MAST4: variants seen among roughly 807,000 people sequenced by gnomAD.
MAST4 encodes the protein microtubule-associated serine/threonine-protein kinase 4.
Under a neutral mutation model 162.7 loss-of-function variants are expected in MAST4, and 89 were observed. The observed-to-expected ratio is 0.55, with a 90% CI of 0.46 to 0.65. The LOEUF (loss-of-function observed/expected upper bound fraction) is 0.65. Ranked by LOEUF, MAST4 falls within the 30% of genes least tolerant of loss-of-function variation. The pLI is 0.00. For synonymous variants in MAST4, 1,479 were observed against 1,361.1 expected, an observed-to-expected ratio of 1.09 and a Z score of -1.91; for missense variants, 3,153 against 3,374.0, an observed-to-expected ratio of 0.93 and a Z score of 1.62.
At chr5:66,727,442 G>C (rs1485653455) in intron 1 of MAST4, among the ~76,000 whole-genome samples, 1 of 152,156 alleles carries the variant, frequency 6.6e-6, no homozygotes, top group African/African-American at 2.4e-5. Flanking sequence ...GCAATGGACA[G>C]GATGTTTCTT....
chr5:66,881,383 A>G (rs540455237), intron 3 of MAST4, among the ~76,000 whole-genome samples: 1 of 152,324 alleles, frequency 6.6e-6, no homozygotes, highest in East Asian at 1.9e-4. Context: ...TTCTATGTTA[A>G]GTCCACTTGA....
At chr5:67,087,487 T>G (rs919859691) in intron 5 of MAST4, among the ~76,000 whole-genome samples, 18 of 152,214 alleles carry the variant, frequency 1.2e-4, no homozygotes, top group Admixed American at 8.5e-4. Flanking sequence ...TTTCCCAGTC[T>G]GAATTCCCTT....
At chr5:66,808,085 A>T (rs1756290776) in intron 3 of MAST4, among the ~76,000 whole-genome samples, 1 of 152,230 alleles carries the variant, frequency 6.6e-6, no homozygotes, top group Admixed American at 6.5e-5. Flanking sequence ...GGAATGTCCA[A>T]TGCACTCTTT....
At chr5:66,949,695 G>T (rs902162543) in intron 4 of MAST4, among the ~76,000 whole-genome samples, 4 of 152,064 alleles carry the variant, frequency 2.6e-5, no homozygotes, top group Admixed American at 1.3e-4. Context: ...TGTGTTTTCT[G>T]TTATACTTAG....
At chr5:66,671,906 G>A (rs1580158053) in intron 1 of MAST4, among the ~76,000 whole-genome samples, 2 of 151,532 alleles carry the variant, frequency 1.3e-5, no homozygotes, top group African/African-American at 2.4e-5. Context: ...CATTAAAAAT[G>A]TGAAAAAAAT....
At chr5:67,121,842 TTTTG>T (rs1017977747) in intron 14 of MAST4, among the ~76,000 whole-genome samples, 14 of 152,072 alleles carry the variant, frequency 9.2e-5, no homozygotes, top group African/African-American at 3.4e-4. Flanking sequence ...TACACCAGGA[TTTTG>T]TTTTTGTTTT....
intron 4 of MAST4, among the ~76,000 whole-genome samples, chr5:66,997,515 T>A (rs1180334478): frequency 6.7e-6 from 1 of 149,088 alleles, no homozygotes; most frequent in Admixed American, 6.8e-5. Context: ...CACTGCAACC[T>A]CCATCTCTGG....
intron 14 of MAST4, among the ~76,000 whole-genome samples, chr5:67,127,674 T>A (rs1768429864): frequency 6.6e-6 from 1 of 152,146 alleles, no homozygotes; most frequent in Admixed American, 6.6e-5. Flanking sequence ...CTGTGCTCCT[T>A]TATATATCTG....
chr5:67,110,047 C>A, intron 10 of MAST4, 51 bp from the exon 11 acceptor site: 1 of 1,331,376 alleles, frequency 7.5e-7, no homozygotes, highest in Non-Finnish European at 1.1e-6. Context: ...TTTTCTTTTC[C>A]ATTTAATGGA....
In MAST4 at chr5:66,928,392, G is replaced by A. The variant is rs146635052; in HGVS notation, c.674+28410G>A. Among the ~76,000 whole-genome samples the A allele has an allele frequency of 2.7e-3, 412 of 152,340 alleles. 1 individual carries two copies. The highest frequency in any genetic ancestry group is 9.2e-3 in the African/African-American group (383 of 41,574). On this transcript the variant is annotated intron_variant, in intron 4 of 28. Coordinates refer to ENST00000403625, the MANE Select transcript of MAST4 (RefSeq NM_001164664.2). ...AAGACAAATTACTTGTTGGGGAGAG[G>A]ACAATTGAAGGGTTCATTTGCCAGT...
intron 4 of MAST4, among the ~76,000 whole-genome samples, chr5:66,977,447 T>C (rs376366916): frequency 6.6e-6 from 1 of 152,204 alleles, no homozygotes; most frequent in African/African-American, 2.4e-5. Context: ...ATTGAGAAAG[T>C]AGAAAAAGCA....
At chr5:67,093,557 A>T in intron 6 of MAST4, 1 of 404,706 alleles carries the variant, frequency 2.5e-6, no homozygotes, top group South Asian at 1.8e-5. Flanking sequence ...GTTGTAAATT[A>T]TTTCTGGTCC....
chr5:66,897,211 A>C (rs1228225355), intron 3 of MAST4, among the ~76,000 whole-genome samples: 2 of 151,884 alleles, frequency 1.3e-5, no homozygotes, highest in Non-Finnish European at 2.9e-5. Flanking sequence ...GTGACAGTAA[A>C]TTTTTAACAC....
chr5:66,790,497 C>T (rs1275034552), intron 3 of MAST4, among the ~76,000 whole-genome samples: 1 of 152,052 alleles, frequency 6.6e-6, no homozygotes, highest in East Asian at 1.9e-4. Context: ...CTATTTAAAC[C>T]AAAATTCATA....
intron 1 of MAST4, among the ~76,000 whole-genome samples, chr5:66,750,600 C>A (rs571802275): frequency 6.6e-6 from 1 of 152,226 alleles, no homozygotes; most frequent in Non-Finnish European, 1.5e-5. Flanking sequence ...GCTTAAAAAA[C>A]GGCGCACCAG....
chr5:67,109,549 C>G (rs368359342), intron 10 of MAST4, among the ~76,000 whole-genome samples: 2 of 152,058 alleles, frequency 1.3e-5, no homozygotes, highest in Non-Finnish European at 2.9e-5. Context: ...GGATACCCAA[C>G]TGGTATATAC....
At chr5:66,819,944 T>C (rs937661826) in intron 3 of MAST4, among the ~76,000 whole-genome samples, 1 of 143,760 alleles carries the variant, frequency 7.0e-6, no homozygotes, top group South Asian at 2.2e-4. Flanking sequence ...CAGCTAATTT[T>C]TGTGGGGTTT....
At chr5:66,826,070 C>T (rs1342276031) in intron 3 of MAST4, among the ~76,000 whole-genome samples, 2 of 152,100 alleles carry the variant, frequency 1.3e-5, no homozygotes, top group African/African-American at 4.8e-5. Flanking sequence ...GTAAACGTAG[C>T]AATTTTCCTT....
chr5:67,165,153 A>G lies in MAST4; in HGVS notation c.5974A>G (p.Thr1992Ala), dbSNP rs778792349. The change falls in exon 29 of 29, where the codon ACA becomes GCA. Residue 1992 changes from threonine to alanine, a missense_variant. By Grantham distance (58) the Thr-to-Ala change is moderately conservative. Transcript: ENST00000403625. ...CGAGCGCTCTGCTGCGAGGGCTGAC[A>G]CATGCAGAGAGCCCTCCATGGAACT... ...RSERSAARADTCREPSMELCF... is the reference protein window; with the variant it reads ...RSERSAARADACREPSMELCF... The G allele has an allele frequency of 5.0e-6, 8 of 1,597,146 alleles. No individual in the cohort carries two copies. In the Admixed American group the frequency reaches 1.1e-4, roughly 21 times the overall value.
Sources: allele counts gnomAD v4.1 joint callset (sites outside exome capture counted in the v4.1 genomes callset), GRCh38; gene constraint gnomAD v4.1.1; transcripts MANE v1.5; gene names NCBI Gene and HGNC (gene_info 2026-07-23, HGNC 2026-07-21).